The following CPNE5 variants were observed in gnomAD, a reference collection of about 807,000 sequenced individuals.
CPNE5 encodes copine-5.
A neutral mutation model predicts 81.1 loss-of-function variants in CPNE5; 42 were observed. The ratio of observed to expected loss-of-function variants is 0.52; its 90% CI spans 0.40 to 0.67. The LOEUF is 0.67. Ranked by LOEUF, CPNE5 falls within the 30% of genes least tolerant of loss-of-function variation. The pLI is 0.00. For synonymous variants in CPNE5, 313 were observed against 321.5 expected (o/e 0.97, Z 0.28); for missense variants, 612 against 815.5 (o/e 0.75, Z 3.04).
rs1332893240 is a variant in CPNE5, at chr6:36,742,070, C to A, written c.*198G>T. 8 of 578,782 alleles carry A rather than the reference C, an allele frequency of 1.4e-5. No individual in the cohort carries two copies. Among genetic ancestry groups the A allele is most frequent in the Non-Finnish European group, 2.5e-5 (8 of 325,466 alleles). The allele number at this position is 578,782 out of a possible 1,614,324, so 35.9% of individuals were successfully genotyped here. ...GTGTACCCCTCTTTCACCCGTACCC[C>A]CCTAACTCCCTGGGTTTGGGCAATA... On this transcript the variant is annotated 3_prime_UTR_variant, in exon 21 of 21. Transcript: ENST00000244751.
intron 8 of CPNE5, among the ~76,000 whole-genome samples, chr6:36,786,466 C>T (rs1486506907): frequency 6.6e-6 from 1 of 152,200 alleles, no homozygotes; most frequent in African/African-American, 2.4e-5. Flanking sequence ...ATCAGTTGTG[C>T]ATCTGTTGAT....
At chr6:36,834,069 A>G (rs1340710126) in intron 1 of CPNE5, among the ~76,000 whole-genome samples, 1 of 148,984 alleles carries the variant, frequency 6.7e-6, no homozygotes, top group Non-Finnish European at 1.5e-5. Context: ...CCTCTACAAA[A>G]CAAACGAACA....
At chr6:36,743,846 TC>T in intron 19 of CPNE5, 84 bp from the exon 20 acceptor site, 1 of 1,238,952 alleles carries the variant, frequency 8.1e-7, no homozygotes, top group Non-Finnish European at 1.2e-6. Flanking sequence ...TGTCCTTTCA[TC>T]CCAGGCCAAT....
At chr6:36,786,233 G>A (rs1467058459) in intron 8 of CPNE5, among the ~76,000 whole-genome samples, 1 of 152,120 alleles carries the variant, frequency 6.6e-6, no homozygotes, top group Non-Finnish European at 1.5e-5. Flanking sequence ...GGCCCTCTAG[G>A]AGGAGGAGCC....
At chr6:36,833,449 T>C (rs1367122862) in intron 1 of CPNE5, among the ~76,000 whole-genome samples, 1 of 152,208 alleles carries the variant, frequency 6.6e-6, no homozygotes, top group Non-Finnish European at 1.5e-5. Flanking sequence ...TGGGTTATGA[T>C]GTATAACAAA....
At chr6:36,794,991 C>T (rs2150515477) in intron 6 of CPNE5, among the ~76,000 whole-genome samples, 1 of 152,240 alleles carries the variant, frequency 6.6e-6, no homozygotes, top group South Asian at 2.1e-4. Flanking sequence ...CCTGCTGCAG[C>T]TTGGGAACCC....
At chr6:36,828,638 A>T (rs943574881) in intron 1 of CPNE5, among the ~76,000 whole-genome samples, 5 of 152,218 alleles carry the variant, frequency 3.3e-5, no homozygotes, top group Non-Finnish European at 7.3e-5. Flanking sequence ...AAAGTATGGC[A>T]TATTGGTATA....
At chr6:36,748,134 G>A in intron 15 of CPNE5, 87 bp downstream of exon 15, 1 of 1,203,516 alleles carries the variant, frequency 8.3e-7, no homozygotes, top group Non-Finnish European at 1.2e-6. Flanking sequence ...GAGAGTATGA[G>A]GGTCATGGTC....
chr6:36,799,765 C>T (rs1329234987), intron 4 of CPNE5, among the ~76,000 whole-genome samples: 3 of 152,174 alleles, frequency 2.0e-5, no homozygotes, highest in African/African-American at 4.8e-5. Context: ...GGGGTGAATG[C>T]CATTGTTCTC....
At chr6:36,765,590 G>A (rs1766490429) in intron 10 of CPNE5, among the ~76,000 whole-genome samples, 1 of 152,124 alleles carries the variant, frequency 6.6e-6, no homozygotes, top group African/African-American at 2.4e-5. Context: ...GGCTGTGTAG[G>A]GACTGCCCAG....
chr6:36,811,397 T>C (rs1018868218), intron 3 of CPNE5, among the ~76,000 whole-genome samples: 1 of 152,244 alleles, frequency 6.6e-6, no homozygotes, highest in Non-Finnish European at 1.5e-5. Flanking sequence ...AGAGCCATTA[T>C]TGAGCTTTTT....
chr6:36,803,539 T>C (rs2150538741), intron 3 of CPNE5, among the ~76,000 whole-genome samples: 1 of 152,356 alleles, frequency 6.6e-6, no homozygotes, highest in East Asian at 1.9e-4. Flanking sequence ...TAATAGCTAC[T>C]GTTTATTGAA....
At chr6:36,829,258 G>A (rs1168096030) in intron 1 of CPNE5, among the ~76,000 whole-genome samples, 2 of 152,302 alleles carry the variant, frequency 1.3e-5, no homozygotes, top group South Asian at 4.1e-4. Context: ...CACTTTGGGA[G>A]GCTGAGGCAG....
chr6:36,822,426 G>C (rs1236139914), intron 2 of CPNE5, among the ~76,000 whole-genome samples: 1 of 152,172 alleles, frequency 6.6e-6, no homozygotes, highest in Non-Finnish European at 1.5e-5. Context: ...CGTTGGAGAA[G>C]GGAGACTAGG....
chr6:36,767,491 G>A (rs1159905602), intron 10 of CPNE5, among the ~76,000 whole-genome samples: 1 of 152,168 alleles, frequency 6.6e-6, no homozygotes, highest in Non-Finnish European at 1.5e-5. Flanking sequence ...CCAGGACTTC[G>A]GTCATGGCCC....
intron 13 of CPNE5, among the ~76,000 whole-genome samples, chr6:36,753,345 G>A (rs1765052478): frequency 6.6e-6 from 1 of 152,210 alleles, no homozygotes; most frequent in African/African-American, 2.4e-5. Flanking sequence ...CTGAAACCAG[G>A]GTGTGTCTGA....
At chr6:36,837,489 A>G (rs1773619995) in intron 1 of CPNE5, among the ~76,000 whole-genome samples, 1 of 152,124 alleles carries the variant, frequency 6.6e-6, no homozygotes. Context: ...CTGCCCTCAA[A>G]TGCTTACACA....
At chr6:36,813,489 C>A (rs1561812582) in intron 3 of CPNE5, among the ~76,000 whole-genome samples, 1 of 152,156 alleles carries the variant, frequency 6.6e-6, no homozygotes, top group Non-Finnish European at 1.5e-5. Context: ...TGAGATCGAG[C>A]CATTGCACTC....
In CPNE5 at chr6:36,745,102, G is replaced by A; in HGVS notation, c.1377C>T (p.Ile459=). ...QDGSQYSVLL[I]ITDGVISDMA... ...TGTCCGAGATGACCCCATCAGTAAT[G>A]ATGAGCAGCACCGAGTACTGGGAGC... Residue 459 remains isoleucine (I), a synonymous_variant, in exon 18 of 21, where the codon ATC becomes ATT. Transcript: ENST00000244751. 2 of 1,614,098 alleles carry A rather than the reference G, an allele frequency of 1.2e-6. No individual in the cohort carries two copies. Among genetic ancestry groups the A allele is most frequent in the South Asian group, 1.1e-5 (1 of 91,078 alleles).
Sources: allele counts gnomAD v4.1 joint callset (sites outside exome capture counted in the v4.1 genomes callset), GRCh38; gene constraint gnomAD v4.1.1; transcripts MANE v1.5; gene names NCBI Gene and HGNC (gene_info 2026-07-23, HGNC 2026-07-21).